The following GAB2 variants were observed in gnomAD, a reference collection of about 807,000 sequenced individuals.
GAB2 encodes the protein GRB2-associated-binding protein 2.
A neutral mutation model predicts 65.5 loss-of-function variants in GAB2; 26 were observed. That is an observed-to-expected ratio of 0.40 (90% CI 0.29 to 0.55). The LOEUF is 0.55. GAB2 is among the 20% of genes least tolerant of loss of function. GAB2 has a pLI of 0.53. For missense variants in GAB2, 884 were observed against 875.8 expected (o/e 1.01, Z -0.12); for synonymous variants, 321 against 329.6 (o/e 0.97, Z 0.28).
At chr11:78,248,687 GCCTTTGAATTAGTTATT>G (rs1159409037) in intron 3 of GAB2, among the ~76,000 whole-genome samples, 4 of 152,310 alleles carry the variant, frequency 2.6e-5, no homozygotes, top group African/African-American at 9.6e-5. Context: ...TCATTAGTAA[GCCTTTGAATTAGTTATT>G]CCCATTCTGA....
At chr11:78,368,705 GA>G (rs543620630) in intron 1 of GAB2, among the ~76,000 whole-genome samples, 6 of 146,180 alleles carry the variant, frequency 4.1e-5, no homozygotes, top group South Asian at 2.2e-4. Flanking sequence ...TTAACAAACT[GA>G]AAAAAAAAAG....
intron 1 of GAB2, among the ~76,000 whole-genome samples, chr11:78,289,538 C>G (rs59067517): frequency 0.013 from 1,957 of 152,076 alleles, 47 homozygotes; most frequent in African/African-American, 0.045. Flanking sequence ...AGGCAAGGCC[C>G]AAAAATACTC....
chr11:78,338,580 G>A (rs1246773866), intron 1 of GAB2, among the ~76,000 whole-genome samples: 5 of 152,180 alleles, frequency 3.3e-5, no homozygotes, highest in African/African-American at 1.2e-4. Flanking sequence ...TACCATGTGC[G>A]TGGCCAAGGT....
Position 78,220,338 on chromosome 11 carries a change from G to A in GAB2, c.1868C>T (p.Ser623Phe). ...AGGCACCTTGCGGTGGGGGCTTGGG[G>A]AGCTCGGCTGGAAGTCCAGGGCCAG... ...DYLALDFQPS[S>F]PSPHRKPSTS... Residue 623 changes from serine (S) to phenylalanine (F), a missense_variant, in exon 9 of 10, where the codon TCC becomes TTC. Coordinates refer to ENST00000361507, the MANE Select transcript of GAB2 (RefSeq NM_080491.3). 1 of 1,612,700 alleles carries A rather than the reference G, an allele frequency of 6.2e-7. No individual in the cohort carries two copies. The highest frequency in any genetic ancestry group is 8.5e-7 in the Non-Finnish European group (1 of 1,179,714).
chr11:78,352,150 C>T (rs368808288), intron 1 of GAB2, among the ~76,000 whole-genome samples: 1 of 152,230 alleles, frequency 6.6e-6, no homozygotes, highest in African/African-American at 2.4e-5. Flanking sequence ...GAGGCGGAGG[C>T]TGCAGTAAGC....
At position 78,226,863 on chromosome 11, in the gene GAB2, C is replaced by T. The variant is rs1333354447; in HGVS notation, c.809G>A (p.Arg270His). The change falls in exon 4 of 10, where the codon CGC becomes CAC. Residue 270 changes from arginine to histidine, a missense_variant. By Grantham distance (29) the Arg-to-His change is conservative. Coordinates refer to ENST00000361507, the MANE Select transcript of GAB2 (RefSeq NM_080491.3). ...EFRDSTYDLPRSLASHGHTKG... is the reference protein window; with the variant it reads ...EFRDSTYDLPHSLASHGHTKG... ...GGTGTGGCCATGGGAGGCCAGGCTG[C>T]GGGGGAGGTCGTAGGTACTGTCTCT... 16 of 1,613,886 alleles carry T rather than the reference C, an allele frequency of 9.9e-6. No homozygotes were observed. Among genetic ancestry groups the T allele is most frequent in the Non-Finnish European group, 1.2e-5 (14 of 1,179,976 alleles).
At chr11:78,268,207 C>G (rs934114151) in intron 2 of GAB2, among the ~76,000 whole-genome samples, 2 of 152,086 alleles carry the variant, frequency 1.3e-5, no homozygotes, top group African/African-American at 4.8e-5. Flanking sequence ...GGTTAAAAAG[C>G]AATGCTTTAA....
chr11:78,370,625 C>A (rs200917745), intron 1 of GAB2, among the ~76,000 whole-genome samples: 2 of 152,044 alleles, frequency 1.3e-5, no homozygotes, highest in African/African-American at 2.4e-5. Context: ...AAACCCGCTA[C>A]GGCTTAGCAT....
At chr11:78,219,488 G>A (rs979921168) in intron 9 of GAB2, 73 bp from the exon 10 acceptor site, 46 of 1,397,854 alleles carry the variant, frequency 3.3e-5, no homozygotes, top group African/African-American at 2.0e-4. Context: ...AGGTGGGCAC[G>A]GGATCTTCCT....
chr11:78,417,525 C>T (rs1857214725), intron 1 of GAB2, 121 bp downstream of exon 1: 2 of 371,126 alleles, frequency 5.4e-6, no homozygotes, highest in Admixed American at 5.8e-5. Context: ...CTCCTCGCCC[C>T]CGGCCCCCCG....
At chr11:78,403,494 A>G (rs1205383739) in intron 1 of GAB2, among the ~76,000 whole-genome samples, 1 of 152,210 alleles carries the variant, frequency 6.6e-6, no homozygotes, top group South Asian at 2.1e-4. Context: ...GAAAAAGTGC[A>G]GTTTCTTCAA....
intron 2 of GAB2, chr11:78,280,345 G>A: frequency 2.0e-6 from 1 of 507,874 alleles, no homozygotes; most frequent in Admixed American, 3.5e-5. Flanking sequence ...CGGCAGTGGT[G>A]TTGAGGCACC....
intron 1 of GAB2, among the ~76,000 whole-genome samples, chr11:78,397,153 C>T (rs935573985): frequency 9.9e-5 from 15 of 152,098 alleles, no homozygotes; most frequent in African/African-American, 3.4e-4. Flanking sequence ...ATAGCGTATA[C>T]TATGAAAGTT....
At chr11:78,223,342 G>A in intron 6 of GAB2, 70 bp downstream of exon 6, 7 of 1,293,612 alleles carry the variant, frequency 5.4e-6, no homozygotes, top group Admixed American at 2.7e-5. Flanking sequence ...GGATCCACAT[G>A]ACCCCTAAGC....
At chr11:78,275,840 G>A (rs1262081864) in intron 2 of GAB2, among the ~76,000 whole-genome samples, 4 of 151,976 alleles carry the variant, frequency 2.6e-5, no homozygotes, top group Non-Finnish European at 4.4e-5. Context: ...CCGGCCAGGC[G>A]TAATAGCTCA....
chr11:78,408,780 T>C (rs1254103788), intron 1 of GAB2, among the ~76,000 whole-genome samples: 2 of 152,210 alleles, frequency 1.3e-5, no homozygotes, highest in African/African-American at 4.8e-5. Flanking sequence ...TATTTAGAAG[T>C]GTGTAGTACC....
At chr11:78,267,937 T>G (rs992115121) in intron 2 of GAB2, among the ~76,000 whole-genome samples, 4 of 151,144 alleles carry the variant, frequency 2.6e-5, no homozygotes, top group African/African-American at 9.8e-5. Context: ...TTTATGAACA[T>G]GGATTGTATC....
chr11:78,359,842 C>T (rs1041674786), intron 1 of GAB2, among the ~76,000 whole-genome samples: 1 of 152,056 alleles, frequency 6.6e-6, no homozygotes, highest in African/African-American at 2.4e-5. Flanking sequence ...AAAGATATGC[C>T]CATGTCCTAA....
At chr11:78,258,429 T>C (rs1411513753) in intron 2 of GAB2, among the ~76,000 whole-genome samples, 1 of 152,206 alleles carries the variant, frequency 6.6e-6, no homozygotes, top group Non-Finnish European at 1.5e-5. Flanking sequence ...ACATAATCTA[T>C]GGCTCCAAAG....
Sources: gnomAD v4.1 joint callset for allele counts (sites outside exome capture counted in the v4.1 genomes callset) on GRCh38, gnomAD v4.1.1 for gene constraint, MANE v1.5 for transcripts, NCBI Gene and HGNC (gene_info 2026-07-23, HGNC 2026-07-21) for gene names.